SH3GLB2: variants seen among roughly 807,000 people sequenced by gnomAD.
SH3GLB2 encodes the protein endophilin-B2.
Under a neutral mutation model 48.0 loss-of-function variants are expected in SH3GLB2, and 24 were observed. That is an observed-to-expected ratio of 0.50 (90% CI 0.36 to 0.70). The LOEUF is 0.70. Among genes scored for constraint, SH3GLB2 ranks in the 30% least tolerant of loss-of-function variants. The probability of loss-of-function intolerance (pLI) is 0.00; values close to 1 mark genes in which losing one functional copy is unlikely to be tolerated. For synonymous variants in SH3GLB2, 227 were observed against 207.6 expected (o/e 1.09, Z -0.80); for missense variants, 425 against 516.0 (o/e 0.82, Z 1.71).
At position 129,007,061 on chromosome 9, in the gene SH3GLB2, C is replaced by G. The variant is rs1842828263; in HGVS notation, c.*1623G>C. 2 of 176,412 alleles carry G rather than the reference C, an allele frequency of 1.1e-5. No individual in the cohort carries two copies. Among genetic ancestry groups the G allele is most frequent in the Non-Finnish European group, 2.4e-5 (2 of 84,702 alleles). 10.9% of individuals were successfully genotyped at this position (176,412 alleles called of 1,614,324 possible). On this transcript the variant is annotated 3_prime_UTR_variant, in exon 11 of 11. Coordinates refer to ENST00000372564, the MANE Select transcript of SH3GLB2 (RefSeq NM_020145.4). ...TTTGCAGTTTTGGTAATTCTGTGGT[C>G]TATTTATACAGATATTAAAATCTTG...
chr9:129,018,124 G>A (rs1843551431), intron 3 of SH3GLB2, among the ~76,000 whole-genome samples: 1 of 151,944 alleles, frequency 6.6e-6, no homozygotes, highest in African/African-American at 2.4e-5. Context: ...AGCACGACAT[G>A]TTCATACATT....
intron 9 of SH3GLB2, 159 bp downstream of exon 9, chr9:129,009,612 C>T: frequency 2.1e-6 from 3 of 1,436,654 alleles, no homozygotes; most frequent in Non-Finnish European, 2.9e-6. Context: ...AGCCACTCCA[C>T]CCTCATACAC....
Position 129,009,878 on chromosome 9 carries a change from G to A in SH3GLB2, c.739-7C>T, listed in dbSNP as rs1171227416. 6.2e-7 allele frequency: 1 copy of A among 1,612,010 alleles called. No individual in the cohort carries two copies. The highest frequency in any genetic ancestry group is 1.1e-5 in the South Asian group (1 of 90,846). ...GGCAGCGCAGGTGGTTCACCTGCGG[G>A]GAAGAGGCCAGAGGCTGACTTCTAA... On this transcript the variant is annotated splice_polypyrimidine_tract_variant and splice_region_variant and intron_variant, in intron 8 of 10. Coordinates refer to ENST00000372564, the MANE Select transcript of SH3GLB2 (RefSeq NM_020145.4).
chr9:129,016,949 CTCTT>C (rs750784177), intron 3 of SH3GLB2, among the ~76,000 whole-genome samples: 3 of 142,178 alleles, frequency 2.1e-5, no homozygotes, highest in East Asian at 2.1e-4. Flanking sequence ...GAATACTCTG[CTCTT>C]TTTTTTTTTT....
In SH3GLB2 at chr9:129,008,687, G is replaced by A. The variant is rs746916155; in HGVS notation, c.1185C>T (p.Ser395=). The A allele has an allele frequency of 6.2e-7, 1 of 1,613,682 alleles. No individual in the cohort carries two copies. The highest frequency in any genetic ancestry group is 1.7e-5 in the Admixed American group (1 of 60,004). The change falls in exon 11 of 11, where the codon AGC becomes AGT. Residue 395 remains serine, a synonymous_variant. Transcript: ENST00000372564. ...KVPVTYLELL[S] Reference sequence around the variant, plus strand: ...CGGGGGGGATGGGGGCACCTGCCTAGCTGAGCAGTTCCAAGTAGGTGACAG... The same window carrying A: ...CGGGGGGGATGGGGGCACCTGCCTAACTGAGCAGTTCCAAGTAGGTGACAG...
intron 3 of SH3GLB2, among the ~76,000 whole-genome samples, chr9:129,015,166 A>T (rs1843351853): frequency 6.6e-6 from 1 of 152,184 alleles, no homozygotes; most frequent in South Asian, 2.1e-4. Context: ...CAGAGAAAGG[A>T]GCTCAACAAA....
chr9:129,010,895 T>C, intron 6 of SH3GLB2: 1 of 614,024 alleles, frequency 1.6e-6, no homozygotes, highest in Non-Finnish European at 2.9e-6. Context: ...CTAACATGCC[T>C]CATGCAGGAG....
Position 129,008,076 on chromosome 9 carries a change from C to T in SH3GLB2, c.*608G>A, listed in dbSNP as rs1842863893. Reference sequence around the variant, plus strand: ...CGGTTTATTGGCTAGAGAGCAAACGCAGGCAGAAGTAAAAACACCAGATAA... The same window carrying T: ...CGGTTTATTGGCTAGAGAGCAAACGTAGGCAGAAGTAAAAACACCAGATAA... On this transcript the variant is annotated 3_prime_UTR_variant, in exon 11 of 11. Transcript: ENST00000372564. 1 of 153,250 alleles carries T rather than the reference C, an allele frequency of 6.5e-6. No individual in the cohort carries two copies. Among genetic ancestry groups the T allele is most frequent in the South Asian group, 2.0e-4 (1 of 4,888 alleles). 9.5% of individuals were successfully genotyped at this position (153,250 alleles called of 1,614,324 possible). A position where few individuals can be genotyped will look rare whatever the true frequency, so the allele number is the denominator to read the frequency against.
rs11537525 is a variant in SH3GLB2 at position 129,010,120 on chromosome 9, G to A, written c.738C>T (p.His246=). ...AGTGAGGGTGGGCAGTGGGACTCAC[G>A]TGAGTGCTACTGATTCCCTCCAGCA... is the stretch of plus-strand genomic sequence containing the variant. The part of the protein sequence containing the change: ...RLLLEGISST[H]VNHLRCLHEF... Residue 246 remains histidine, a splice_region_variant and synonymous_variant, in exon 8 of 11, where the codon CAC becomes CAT. Transcript: ENST00000372564. 3,154 of 1,613,466 alleles carry A rather than the reference G, an allele frequency of 2.0e-3. 2 individuals carry two copies. The highest frequency in any genetic ancestry group is 2.4e-3 in the Non-Finnish European group (2,815 of 1,179,464).
chr9:129,010,052 C>T, intron 8 of SH3GLB2, 68 bp downstream of exon 8: 5 of 1,528,516 alleles, frequency 3.3e-6, no homozygotes, highest in Admixed American at 3.4e-5. Flanking sequence ...CCCTGCTGAC[C>T]TTGTGGTTCA....
rs1402384809 is a variant in SH3GLB2 at position 129,009,822 on chromosome 9, T to C, written c.788A>G (p.Tyr263Cys). 2 of 1,614,024 alleles carry C rather than the reference T, an allele frequency of 1.2e-6. No individual in the cohort carries two copies. Among genetic ancestry groups the C allele is most frequent in the Non-Finnish European group, 8.5e-7 (1 of 1,179,956 alleles). ...CATGTGGCGGTAGCACTGTGCGTAG[T>C]AGGTTGTCTGAGACTTGACGAACTC... The part of the protein sequence containing the change: ...LHEFVKSQTT[Y>C]YAQCYRHMLD... The change falls in exon 9 of 11, where the codon TAC becomes TGC. Residue 263 changes from tyrosine to cysteine, a missense_variant. Tyr to Cys is a radical substitution (Grantham distance 194). Coordinates refer to ENST00000372564, the MANE Select transcript of SH3GLB2 (RefSeq NM_020145.4).
chr9:129,010,719 C>T (rs1164854347), intron 6 of SH3GLB2, 26 bp from the exon 7 acceptor site: 1 of 1,613,842 alleles, frequency 6.2e-7, no homozygotes, highest in Admixed American at 1.7e-5. Flanking sequence ...CAGGAGTGGC[C>T]AGCAGGGGAG....
intron 3 of SH3GLB2, among the ~76,000 whole-genome samples, chr9:129,016,403 G>A (rs1843427104): frequency 7.0e-6 from 1 of 143,110 alleles, no homozygotes. Context: ...GCTCACACCT[G>A]TAATCCCAGC....
rs1365044832 is a variant in SH3GLB2 at position 129,008,084 on chromosome 9, A to C, written c.*600T>G. 1 of 153,534 alleles carries C rather than the reference A, an allele frequency of 6.5e-6. No individual in the cohort carries two copies. Among genetic ancestry groups the C allele is most frequent in the Non-Finnish European group, 1.4e-5 (1 of 69,008 alleles). The allele number at this position is 153,534 out of a possible 1,614,324, so 9.5% of individuals were successfully genotyped here. The stretch of plus-strand genomic sequence containing the variant: ...TGGCTAGAGAGCAAACGCAGGCAGA[A>C]GTAAAAACACCAGATAAAAAGTGAG... On this transcript the variant is annotated 3_prime_UTR_variant, in exon 11 of 11. Coordinates refer to ENST00000372564, the MANE Select transcript of SH3GLB2 (RefSeq NM_020145.4).
At chr9:129,024,956 C>T (rs185807259) in intron 1 of SH3GLB2, among the ~76,000 whole-genome samples, 19 of 145,322 alleles carry the variant, frequency 1.3e-4, no homozygotes, top group African/African-American at 4.4e-4. Flanking sequence ...GGTGACAGAG[C>T]GAGACTCCAT....
intron 3 of SH3GLB2, among the ~76,000 whole-genome samples, chr9:129,018,118 C>T (rs554901558): frequency 2.0e-5 from 3 of 151,860 alleles, no homozygotes; most frequent in South Asian, 4.2e-4. Flanking sequence ...TAACATAGCA[C>T]GACATGTTCA....
At position 129,009,862 on chromosome 9, in the gene SH3GLB2, G is replaced by C. The variant is rs374169893; in HGVS notation, c.748C>G (p.Leu250Val). The part of the protein sequence containing the change: ...EGISSTHVNH[L>V]RCLHEFVKSQ... ...TTGACGAACTCGTGGAGGCAGCGCA[G>C]GTGGTTCACCTGCGGGGAAGAGGCC... The change falls in exon 9 of 11, where the codon CTG (leucine) becomes GTG (valine). Residue 250 changes from leucine (L) to valine (V), a missense_variant. By Grantham distance (32) the Leu-to-Val change is conservative. Transcript: ENST00000372564. 26 of 1,613,588 alleles carry C rather than the reference G, an allele frequency of 1.6e-5. No individual in the cohort carries two copies. The highest frequency in any genetic ancestry group is 2.1e-5 in the Non-Finnish European group (25 of 1,179,846).
At chr9:129,013,948 G>T in intron 5 of SH3GLB2, 1 of 451,456 alleles carries the variant, frequency 2.2e-6, no homozygotes, top group Admixed American at 2.4e-5. Context: ...GGGACCCCTC[G>T]GACACGGCCC....
rs914000707 is a variant in SH3GLB2 at position 129,011,520 on chromosome 9, G to C, written c.624+716C>G. Reference sequence around the variant, plus strand: ...AGGGTCTCACCTCCAGGGGCGGGAAGGAGAGAAAGTGGGCAGACAAGGTGT... The same window carrying C: ...AGGGTCTCACCTCCAGGGGCGGGAACGAGAGAAAGTGGGCAGACAAGGTGT... On this transcript the variant is annotated intron_variant, in intron 6 of 10. Transcript: ENST00000372564. This position sits in a 1 kb window ranked among gnomAD's most constrained non-coding sequence, Gnocchi z 4.5. 3.9e-5 allele frequency: 6 copies of C among 152,396 alleles called. No homozygotes were observed. The highest frequency in any genetic ancestry group is 1.4e-4 in the African/African-American group (6 of 41,444). 9.4% of individuals were successfully genotyped at this position (152,396 alleles called of 1,614,324 possible).
Sources: gnomAD v4.1 joint callset for allele counts (sites outside exome capture counted in the v4.1 genomes callset) on GRCh38, gnomAD v4.1.1 for gene constraint, Gnocchi (gnomAD v3.1) non-coding constraint, MANE v1.5 for transcripts, NCBI Gene and HGNC (gene_info 2026-07-23, HGNC 2026-07-21) for gene names.